MYL3: variants seen among roughly 807,000 people sequenced by gnomAD.
MYL3 encodes CMLC1.
A neutral mutation model predicts 21.3 loss-of-function variants in MYL3; 11 were observed. The ratio of observed to expected loss-of-function variants is 0.52; its 90% CI spans 0.32 to 0.85. MYL3 has a LOEUF of 0.85. Among genes scored for constraint, MYL3 ranks in the 40% least tolerant of loss-of-function variants. The probability of loss-of-function intolerance (pLI) is 0.03; values close to 1 mark genes in which losing one functional copy is unlikely to be tolerated. For missense variants in MYL3, 206 were observed against 253.3 expected, an observed-to-expected ratio of 0.81 and a Z score of 1.27; for synonymous variants, 88 against 91.6, an observed-to-expected ratio of 0.96 and a Z score of 0.22.
Position 46,860,076 on chromosome 3 carries a change from CCTT to C in MYL3, c.308-431_308-429del, listed in dbSNP as rs1701974904. On this transcript the variant is annotated intron_variant, in intron 3 of 6. Coordinates refer to ENST00000292327, the MANE Select transcript of MYL3 (RefSeq NM_000258.3). The surrounding 1 kb of genome is among the most constrained non-coding windows in gnomAD (Gnocchi z 4.6). Reference sequence around the variant, plus strand: ...CCTTGGTGGGGGCTTGGGCCTCACTCCTTTTTTTTTTTTTAGCTTTAAAATTTT... The same window carrying C: ...CCTTGGTGGGGGCTTGGGCCTCACTCTTTTTTTTTTTAGCTTTAAAATTTT... Among the ~76,000 whole-genome samples the C allele has an allele frequency of 6.6e-6, 1 of 150,994 alleles. No individual in the cohort carries two copies. The highest frequency in any genetic ancestry group is 6.6e-5 in the Admixed American group (1 of 15,204).
In MYL3 at chr3:46,868,558, C is replaced by T. The variant is rs538083687; in HGVS notation, c.-217-1958G>A. ...TAATCAGCTCCTGCCCCTCTGATCC[C>T]GGCCCAGGACTGACGCTTAGGGCTG... is the stretch of plus-strand genomic sequence containing the variant. On this transcript the variant is annotated intron_variant, in intron 1 of 3. Transcript: ENST00000431168. Among the ~76,000 whole-genome samples, 10 of 152,314 alleles carry T rather than the reference C, an allele frequency of 6.6e-5. No homozygotes were observed. In the East Asian group the frequency reaches 1.4e-3, roughly 21 times the overall value.
upstream of MYL3, among the ~76,000 whole-genome samples, chr3:46,865,377 A>G (rs895306374): frequency 2.0e-5 from 3 of 152,160 alleles, no homozygotes; most frequent in Non-Finnish European, 4.4e-5. The surrounding 1 kb of genome is among the most constrained non-coding windows in gnomAD (Gnocchi z 4.3). Context: ...AAATACCACA[A>G]GAGGAGAAGA....
chr3:46,860,603 A>G lies in MYL3; in HGVS notation c.307+73T>C. 3 of 1,589,956 alleles carry G rather than the reference A, an allele frequency of 1.9e-6. No homozygotes were observed. The highest frequency in any genetic ancestry group is 2.6e-6 in the Non-Finnish European group (3 of 1,169,716). On this transcript the variant is annotated intron_variant, in intron 3 of 6. Transcript: ENST00000292327. This position sits in a 1 kb window ranked among gnomAD's most constrained non-coding sequence, Gnocchi z 4.6. The stretch of plus-strand genomic sequence containing the variant: ...AGGAAAGATTCTCGTGCTATCCCGC[A>G]GGATGGATGGCAGCCCACCCAGCCA...
chr3:46,867,617 C>A (rs1028518584), upstream of MYL3, among the ~76,000 whole-genome samples: 1 of 152,242 alleles, frequency 6.6e-6, no homozygotes. Context: ...GTGCCCTTGT[C>A]CCCTGGGCCG....
chr3:46,869,910 G>A (rs558187372), intron 1 of MYL3, among the ~76,000 whole-genome samples: 53 of 152,324 alleles, frequency 3.5e-4, no homozygotes, highest in Non-Finnish European at 6.6e-4. Flanking sequence ...CAGGCAAACA[G>A]TTCACACTGG....
chr3:46,859,915 T>C lies in MYL3; in HGVS notation c.308-267A>G, dbSNP rs538554222. The stretch of plus-strand genomic sequence containing the variant: ...TGCCCTGAGCCACCACGGAGGGCTC[T>C]GTCCAGAACCCCTTGCCTACTTTTG... On this transcript the variant is annotated intron_variant, in intron 3 of 6. Transcript: ENST00000292327. This position sits in a 1 kb window ranked among gnomAD's most constrained non-coding sequence, Gnocchi z 4.1. 7.9e-4 allele frequency among the ~76,000 whole-genome samples: 120 copies of C among 152,320 alleles called. 1 individual carries two copies. Among genetic ancestry groups the C allele is most frequent in the African/African-American group, 2.8e-3 (116 of 41,574 alleles).
intron 1 of MYL3, chr3:46,881,190 G>A (rs775440111): frequency 1.3e-5 from 2 of 152,352 alleles, no homozygotes; most frequent in South Asian, 2.1e-4. Flanking sequence ...CGCTTCCTCC[G>A]CGATCCTTAA....
rs1701957850 is a variant in MYL3 at position 46,858,551 on chromosome 3, AAC to A, written c.482-92_482-91del. ...ACTGAATCCCTCTAGATGGTGGCTC[AAC>A]CTCTCCAGTATTCCCACAACCAGCA... On this transcript the variant is annotated intron_variant, in intron 4 of 6. Transcript: ENST00000292327. The A allele has an allele frequency of 5.5e-6, 7 of 1,264,392 alleles. No homozygotes were observed. The African/African-American group carries it at 5.9e-5, about 11-fold the overall frequency. 78.3% of individuals were successfully genotyped at this position (1,264,392 alleles called of 1,614,324 possible). A position where few individuals can be genotyped will look rare whatever the true frequency, so the allele number is the denominator to read the frequency against.
Position 46,863,344 on chromosome 3 carries a change from G to A in MYL3, c.47C>T (p.Ala16Val), listed in dbSNP as rs754871327. The stretch of plus-strand genomic sequence containing the variant: ...TGCGGGAGCTGGAGCTGCCTTGGGG[G>A]CTGCCTTGGCATCATCCTTCTTGGG... The part of the protein sequence containing the change: ...PEPKKDDAKA[A>V]PKAAPAPAPP... The change falls in exon 1 of 7, where the codon GCC becomes GTC. Residue 16 changes from alanine to valine, a missense_variant. Ala to Val is a moderately conservative substitution (Grantham distance 64, BLOSUM62 0). Transcript: ENST00000292327. 1.9e-6 allele frequency: 3 copies of A among 1,613,714 alleles called. No individual in the cohort carries two copies. Among genetic ancestry groups the A allele is most frequent in the African/African-American group, 2.7e-5 (2 of 74,938 alleles).
At chr3:46,870,981 T>G (rs1702104221) in intron 1 of MYL3, among the ~76,000 whole-genome samples, 1 of 152,208 alleles carries the variant, frequency 6.6e-6, no homozygotes, top group Non-Finnish European at 1.5e-5. Context: ...TAGAAACCTT[T>G]GCATGCATGT....
At chr3:46,881,758 G>A (rs1485345217) in intron 1 of MYL3, among the ~76,000 whole-genome samples, 1 of 151,996 alleles carries the variant, frequency 6.6e-6, no homozygotes, top group Non-Finnish European at 1.5e-5. Flanking sequence ...CAGCCAAGCC[G>A]GGCTCGGGGC....
At chr3:46,858,505 C>T in intron 4 of MYL3, 44 bp from the exon 5 acceptor site, 1 of 1,595,402 alleles carries the variant, frequency 6.3e-7, no homozygotes, top group Non-Finnish European at 8.5e-7. Context: ...CGTGCAGAGG[C>T]ATGATGGGGT....
chr3:46,869,147 C>A lies in MYL3; in HGVS notation c.-217-2547G>T, dbSNP rs192489405. On this transcript the variant is annotated intron_variant, in intron 1 of 3. Transcript: ENST00000431168. ...CCCCCCACAGCATGGCCTGTGGCCT[C>A]CCTGAACTGCCCTGGACATTCCCTG... Among the ~76,000 whole-genome samples the A allele has an allele frequency of 3.8e-3, 585 of 152,298 alleles. 8 individuals carry two copies. The highest frequency in any genetic ancestry group is 0.013 in the African/African-American group (545 of 41,536).
At chr3:46,865,961 A>T (rs1056676491), upstream of MYL3, among the ~76,000 whole-genome samples, 4 of 151,624 alleles carry the variant, frequency 2.6e-5, no homozygotes, top group Non-Finnish European at 5.9e-5. This position sits in a 1 kb window ranked among gnomAD's most constrained non-coding sequence, Gnocchi z 4.3. Flanking sequence ...GTGCCCCAGG[A>T]CTCACCCACA....
At position 46,859,236 on chromosome 3, in the gene MYL3, A is replaced by G. The variant is rs1559520080; in HGVS notation, c.481+239T>C. Among the ~76,000 whole-genome samples the G allele has an allele frequency of 6.6e-6, 1 of 152,018 alleles. No homozygotes were observed. The highest frequency in any genetic ancestry group is 1.5e-5 in the Non-Finnish European group (1 of 67,992). On this transcript the variant is annotated intron_variant, in intron 4 of 6. Coordinates refer to ENST00000292327, the MANE Select transcript of MYL3 (RefSeq NM_000258.3). This position sits in a 1 kb window ranked among gnomAD's most constrained non-coding sequence, Gnocchi z 4.1. ...GTGGGAAGGAGGGGAGCATATCAAG[A>G]CGGCTCCTTCCTGCCCTGCTCTGTC...
intron 1 of MYL3, among the ~76,000 whole-genome samples, chr3:46,868,822 T>C (rs1002050394): frequency 6.6e-6 from 1 of 152,050 alleles, no homozygotes; most frequent in Non-Finnish European, 1.5e-5. Flanking sequence ...AGATTGAAAA[T>C]GTGTCTGGAG....
chr3:46,868,016 G>A (rs1361823016), upstream of MYL3, among the ~76,000 whole-genome samples: 2 of 152,168 alleles, frequency 1.3e-5, no homozygotes, highest in Non-Finnish European at 2.9e-5. Flanking sequence ...GAGATGGCAC[G>A]AGGCAGGTAC....
At position 46,873,625 on chromosome 3, in the gene MYL3, C is replaced by T. The variant is rs141532502; in HGVS notation, c.-217-7025G>A. ...GCTCTGCTCGTTGGGCCAAGAGTGG[C>T]TTCCAGAGCCAGCTGTGCTGAGAGA... On this transcript the variant is annotated intron_variant, in intron 1 of 3. Transcript: ENST00000431168. Among the ~76,000 whole-genome samples, 428 of 152,344 alleles carry T rather than the reference C, an allele frequency of 2.8e-3. 5 individuals carry two copies. Among genetic ancestry groups the T allele is most frequent in the African/African-American group, 9.6e-3 (401 of 41,576 alleles).
At chr3:46,880,899 G>A (rs1167264590) in intron 1 of MYL3, among the ~76,000 whole-genome samples, 2 of 152,200 alleles carry the variant, frequency 1.3e-5, no homozygotes, top group Non-Finnish European at 2.9e-5. Flanking sequence ...GATTTGCACT[G>A]AGGGTTGGAG....
Sources: gnomAD v4.1 joint callset for allele counts (sites outside exome capture counted in the v4.1 genomes callset) on GRCh38, gnomAD v4.1.1 for gene constraint, Gnocchi (gnomAD v3.1) non-coding constraint, MANE v1.5 for transcripts, NCBI Gene and HGNC (gene_info 2026-07-23, HGNC 2026-07-21) for gene names.